Variants in KSR1 observed in about 807,000 individuals in gnomAD.
The protein encoded by KSR1 is kinase suppressor of ras.
KSR1 carries 35 observed loss-of-function variants against 92.9 expected under a neutral mutation model. The observed-to-expected ratio is 0.38, with a 90% CI of 0.29 to 0.50. The LOEUF is 0.50. Ranked by LOEUF, KSR1 falls within the 20% of genes least tolerant of loss-of-function variation. The pLI is 0.94. For synonymous variants in KSR1, 467 were observed against 472.6 expected (o/e 0.99, Z 0.15); for missense variants, 972 against 1,158.5 (o/e 0.84, Z 2.34).
intron 1 of KSR1, among the ~76,000 whole-genome samples, chr17:27,477,730 TGA>T (rs1225895101): frequency 6.6e-6 from 1 of 151,720 alleles, no homozygotes; most frequent in African/African-American, 2.4e-5. Context: ...TTTTTTTTTT[TGA>T]GACAGGGTCT....
chr17:27,475,859 A>G (rs1236079426), intron 1 of KSR1, among the ~76,000 whole-genome samples: 1 of 152,190 alleles, frequency 6.6e-6, no homozygotes. Context: ...TAAGAACATG[A>G]GCATATTCAT....
rs1171731166 is a variant in KSR1, at chr17:27,611,670, G to A, written c.2493+41G>A. 7 of 1,611,660 alleles carry A rather than the reference G, an allele frequency of 4.3e-6. No homozygotes were observed. In the South Asian group the frequency reaches 5.5e-5, roughly 13 times the overall value. On this transcript the variant is annotated intron_variant, in intron 18 of 20. Transcript: ENST00000644974. ...CCTGGGTGGAGCAGTAGGGCTGGAG[G>A]TGGGGTGGGGCATGTGGCATGGCTG...
At chr17:27,576,258 G>A (rs1186506119) in intron 2 of KSR1, among the ~76,000 whole-genome samples, 2 of 152,086 alleles carry the variant, frequency 1.3e-5, no homozygotes, top group African/African-American at 4.8e-5. Flanking sequence ...TTTTCTGTAG[G>A]GGATATGTTC....
At chr17:27,499,153 G>A (rs751256078) in intron 1 of KSR1, among the ~76,000 whole-genome samples, 4 of 152,178 alleles carry the variant, frequency 2.6e-5, no homozygotes, top group Admixed American at 6.5e-5. Flanking sequence ...TCAGCCTGAG[G>A]CAGAAGCCAA....
chr17:27,580,441 G>A (rs1014307521), intron 3 of KSR1, among the ~76,000 whole-genome samples: 1 of 152,194 alleles, frequency 6.6e-6, no homozygotes, highest in African/African-American at 2.4e-5. Flanking sequence ...TATGAATTGG[G>A]AAGGCTAATT....
chr17:27,542,768 A>G (rs2071013446), intron 1 of KSR1, among the ~76,000 whole-genome samples: 1 of 152,186 alleles, frequency 6.6e-6, no homozygotes, highest in Non-Finnish European at 1.5e-5. Flanking sequence ...AGCACTTTAT[A>G]TGTTCTGGAC....
At chr17:27,525,373 G>A (rs2070218742) in intron 1 of KSR1, among the ~76,000 whole-genome samples, 1 of 152,248 alleles carries the variant, frequency 6.6e-6, no homozygotes, top group East Asian at 1.9e-4. Context: ...CTTGCACAAA[G>A]GCACTGCATG....
chr17:27,588,607 G>A, intron 6 of KSR1, 72 bp downstream of exon 6: 1 of 1,367,732 alleles, frequency 7.3e-7, no homozygotes. Flanking sequence ...AGGAGTTCTG[G>A]TCACTGTTTC....
intron 9 of KSR1, among the ~76,000 whole-genome samples, chr17:27,594,357 A>G (rs1338060304): frequency 2.0e-5 from 3 of 151,716 alleles, no homozygotes; most frequent in Non-Finnish European, 4.4e-5. Flanking sequence ...ATTGCCAACA[A>G]TGTCATAATT....
At chr17:27,619,273 C>T (rs1030103701) in intron 19 of KSR1, among the ~76,000 whole-genome samples, 1 of 152,138 alleles carries the variant, frequency 6.6e-6, no homozygotes, top group Non-Finnish European at 1.5e-5. Flanking sequence ...ATATTTTGGG[C>T]TTGCAGGTGG....
chr17:27,600,931 A>C (rs2073533381), intron 10 of KSR1, among the ~76,000 whole-genome samples: 1 of 152,170 alleles, frequency 6.6e-6, no homozygotes, highest in Non-Finnish European at 1.5e-5. Context: ...AGAGAGAAAA[A>C]AATGTGGGTA....
chr17:27,540,992 C>A (rs987388833), intron 1 of KSR1, among the ~76,000 whole-genome samples: 1 of 152,172 alleles, frequency 6.6e-6, no homozygotes, highest in Admixed American at 6.5e-5. Context: ...GGAGCTTCCC[C>A]GAGGCATGGA....
At chr17:27,543,328 G>A (rs960662550) in intron 1 of KSR1, among the ~76,000 whole-genome samples, 3 of 152,216 alleles carry the variant, frequency 2.0e-5, no homozygotes, top group African/African-American at 7.2e-5. Context: ...GACACACCAT[G>A]GAGGATGGGC....
chr17:27,616,846 C>T lies in KSR1; in HGVS notation c.2494-449C>T, dbSNP rs1415785342. Among the ~76,000 whole-genome samples the T allele has an allele frequency of 2.0e-5, 3 of 152,222 alleles. No homozygotes were observed. The East Asian group carries it at 5.8e-4, about 29-fold the overall frequency. On this transcript the variant is annotated intron_variant, in intron 18 of 20. Coordinates refer to ENST00000644974, the MANE Select transcript of KSR1 (RefSeq NM_001394583.1). ...TGACTCTTAGCTGCTGCCCGTATAT[C>T]GAGTCTTCTTGTCACTCCAGCCGCC...
intron 1 of KSR1, among the ~76,000 whole-genome samples, chr17:27,478,638 A>C (rs565074737): frequency 5.3e-5 from 8 of 152,018 alleles, no homozygotes; most frequent in African/African-American, 9.7e-5. Context: ...CAGAGTCCAG[A>C]CCTAATGCCA....
chr17:27,618,856 C>G (rs9898153), intron 19 of KSR1, among the ~76,000 whole-genome samples: 1 of 152,038 alleles, frequency 6.6e-6, no homozygotes, highest in Non-Finnish European at 1.5e-5. Flanking sequence ...GAAAAACTTT[C>G]CAAAAAAAAT....
chr17:27,515,439 C>T (rs2069750586), intron 1 of KSR1, among the ~76,000 whole-genome samples: 2 of 152,138 alleles, frequency 1.3e-5, no homozygotes, highest in South Asian at 4.1e-4. Context: ...TCGTTACACG[C>T]CGCATGACTG....
intron 2 of KSR1, among the ~76,000 whole-genome samples, chr17:27,570,402 T>C (rs577120884): frequency 6.6e-5 from 10 of 152,238 alleles, no homozygotes; most frequent in Non-Finnish European, 1.2e-4. Flanking sequence ...GTGGTTCATC[T>C]GACAGTGCCT....
intron 5 of KSR1, 181 bp downstream of exon 5, chr17:27,585,842 C>G: frequency 3.1e-6 from 2 of 640,660 alleles, no homozygotes; most frequent in Non-Finnish European, 5.8e-6. Context: ...CTTAAAGTGA[C>G]TGGCTGGCTT....
Sources: allele counts gnomAD v4.1 joint callset (sites outside exome capture counted in the v4.1 genomes callset), GRCh38; gene constraint gnomAD v4.1.1; transcripts MANE v1.5; gene names NCBI Gene and HGNC (gene_info 2026-07-23, HGNC 2026-07-21).